The following NRXN3 variants were observed in gnomAD, a reference collection of about 807,000 sequenced individuals.
The protein encoded by NRXN3 is neurexin 3.
In NRXN3, 32 loss-of-function variants were observed where a neutral mutation model predicts 137.6. That is an observed-to-expected ratio of 0.23 (90% CI 0.18 to 0.31). NRXN3 has a LOEUF of 0.31. Among genes scored for constraint, NRXN3 ranks in the 10% least tolerant of loss-of-function variants. The probability of loss-of-function intolerance (pLI) is 1.00; values close to 1 mark genes in which losing one functional copy is unlikely to be tolerated. For synonymous variants in NRXN3, 798 were observed against 784.5 expected, an observed-to-expected ratio of 1.02 and a Z score of -0.29; for missense variants, 1,574 against 2,062.5, an observed-to-expected ratio of 0.76 and a Z score of 4.59.
At chr14:79,664,043 G>A (rs2153987094) in intron 17 of NRXN3, 94 bp downstream of exon 17, 1 of 1,264,226 alleles carries the variant, frequency 7.9e-7, no homozygotes, top group Non-Finnish European at 1.1e-6. Context: ...CCAAATTCCA[G>A]AACACTGAGT....
intron 15 of NRXN3, among the ~76,000 whole-genome samples, chr14:79,257,415 ATGGTG>A (rs2076790157): frequency 7.0e-5 from 2 of 28,746 alleles, no homozygotes; most frequent in African/African-American, 1.6e-4. Context: ...GGTGGTGGTG[ATGGTG>A]GTGATGGTGG....
intron 15 of NRXN3, among the ~76,000 whole-genome samples, chr14:79,018,870 C>T (rs1031118912): frequency 1.3e-5 from 2 of 152,148 alleles, no homozygotes; most frequent in African/African-American, 4.8e-5. Flanking sequence ...TTACTGAGCA[C>T]CCCTGCCCTG....
chr14:79,537,917 A>T lies in NRXN3; in HGVS notation c.3444+70515A>T, dbSNP rs541725425. Among the ~76,000 whole-genome samples the T allele has an allele frequency of 1.9e-4, 29 of 152,292 alleles. No individual in the cohort carries two copies. The South Asian group carries it at 2.3e-3, about 12-fold the overall frequency. ...GTTTACAGTCCCACCAACAGTGTCA[A>T]AGTGTTCCTATTTCTCCACATCCTC... On this transcript the variant is annotated intron_variant, in intron 16 of 20. Transcript: ENST00000335750.
At chr14:79,741,493 G>T (rs765909823) in intron 19 of NRXN3, among the ~76,000 whole-genome samples, 9 of 151,114 alleles carry the variant, frequency 6.0e-5, no homozygotes, top group Non-Finnish European at 1.3e-4. Flanking sequence ...ATAATTTTTT[G>T]TTGTTGTTTT....
Position 78,531,281 on chromosome 14 carries a change from T to C in NRXN3, c.758-113839T>C, listed in dbSNP as rs11849967. 8.4e-3 allele frequency among the ~76,000 whole-genome samples: 1,281 copies of C among 152,260 alleles called. 14 individuals are homozygous for C. The highest frequency in any genetic ancestry group is 0.029 in the African/African-American group (1,201 of 41,546). ...TGAGGTTTTCTTCTTACACTTACTT[T>C]GGAATGAGAAATGAGAGAGTGAAGT... On this transcript the variant is annotated intron_variant, in intron 4 of 20. Transcript: ENST00000335750.
At chr14:79,718,694 G>A (rs2098831881) in intron 19 of NRXN3, among the ~76,000 whole-genome samples, 1 of 152,076 alleles carries the variant, frequency 6.6e-6, no homozygotes, top group Non-Finnish European at 1.5e-5. Flanking sequence ...AAACTTTAAA[G>A]CCCTAATATC....
intron 16 of NRXN3, among the ~76,000 whole-genome samples, chr14:79,575,035 C>G (rs555617847): frequency 6.6e-6 from 1 of 152,174 alleles, no homozygotes; most frequent in East Asian, 1.9e-4. Context: ...AATGTGCCTT[C>G]TAATAAAAAT....
chr14:78,935,830 G>A, intron 10 of NRXN3, among the ~76,000 whole-genome samples: 1 of 152,166 alleles, frequency 6.6e-6, no homozygotes, highest in East Asian at 1.9e-4. Flanking sequence ...CTGGAAAAGT[G>A]TAAGTGATCC....
intron 15 of NRXN3, among the ~76,000 whole-genome samples, chr14:79,076,872 G>A (rs1252684540): frequency 6.6e-6 from 1 of 152,122 alleles, no homozygotes; most frequent in African/African-American, 2.4e-5. Context: ...GAGTAGAGAA[G>A]CATTGCATTT....
intron 20 of NRXN3, among the ~76,000 whole-genome samples, chr14:79,842,522 T>C (rs1053653304): frequency 9.9e-5 from 15 of 152,118 alleles, no homozygotes; most frequent in African/African-American, 2.9e-4. Context: ...CAGTGGACTT[T>C]CCCAGTGAGT....
At chr14:79,069,260 T>C (rs1304938872) in intron 15 of NRXN3, among the ~76,000 whole-genome samples, 1 of 152,174 alleles carries the variant, frequency 6.6e-6, no homozygotes, top group Non-Finnish European at 1.5e-5. Context: ...TCTCCTATTC[T>C]TCTTCTTTGT....
intron 4 of NRXN3, among the ~76,000 whole-genome samples, chr14:78,400,844 C>G (rs551746563): frequency 1.1e-4 from 17 of 152,308 alleles, no homozygotes; most frequent in African/African-American, 4.1e-4. Context: ...CCATTCTCCT[C>G]TGCACCCTCC....
intron 15 of NRXN3, among the ~76,000 whole-genome samples, chr14:78,992,548 C>T (rs542663619): frequency 1.3e-5 from 2 of 152,288 alleles, no homozygotes; most frequent in East Asian, 3.9e-4. Context: ...TCCAGAATCT[C>T]CTTCCTGTAT....
intron 15 of NRXN3, among the ~76,000 whole-genome samples, chr14:79,290,131 TACACTC>T (rs1479657928): frequency 1.3e-5 from 2 of 152,184 alleles, no homozygotes; most frequent in African/African-American, 4.8e-5. Flanking sequence ...TGAATATAAT[TACACTC>T]TTTGGGTGAA....
chr14:79,357,731 C>A (rs1049413802), intron 15 of NRXN3, among the ~76,000 whole-genome samples: 3 of 152,088 alleles, frequency 2.0e-5, no homozygotes, highest in Non-Finnish European at 4.4e-5. Context: ...TATATACATA[C>A]CTTTAGAAGG....
At chr14:79,058,537 G>T (rs1337095118) in intron 15 of NRXN3, among the ~76,000 whole-genome samples, 1 of 152,084 alleles carries the variant, frequency 6.6e-6, no homozygotes, top group Non-Finnish European at 1.5e-5. Flanking sequence ...CACTGGGTAG[G>T]ACTTTGACCT....
chr14:78,798,790 T>A, intron 8 of NRXN3, among the ~76,000 whole-genome samples: 1 of 152,242 alleles, frequency 6.6e-6, no homozygotes, highest in East Asian at 1.9e-4. Flanking sequence ...TGTACCCACA[T>A]GCTCAATATC....
chr14:78,227,934 A>G (rs751665759), intron 1 of NRXN3, among the ~76,000 whole-genome samples: 5 of 152,160 alleles, frequency 3.3e-5, no homozygotes, highest in Non-Finnish European at 7.3e-5. Context: ...GCAAGCAGAA[A>G]ATATGAAAAT....
Position 78,491,041 on chromosome 14 carries a change from C to T in NRXN3, c.758-154079C>T, listed in dbSNP as rs549092056. Among the ~76,000 whole-genome samples the T allele has an allele frequency of 9.9e-5, 15 of 152,246 alleles. No individual in the cohort carries two copies. The East Asian group carries it at 1.2e-3, about 12-fold the overall frequency. On this transcript the variant is annotated intron_variant, in intron 4 of 20. Transcript: ENST00000335750. Reference sequence around the variant, plus strand: ...CAGGCCCCACTCTCCAAGGGTGTTTCGACCTATTCAGAAAAGAGTTGCATT... The same window carrying T: ...CAGGCCCCACTCTCCAAGGGTGTTTTGACCTATTCAGAAAAGAGTTGCATT...
Sources: allele counts gnomAD v4.1 joint callset (sites outside exome capture counted in the v4.1 genomes callset), GRCh38; gene constraint gnomAD v4.1.1; transcripts MANE v1.5; gene names NCBI Gene and HGNC (gene_info 2026-07-23, HGNC 2026-07-21).